SLC27A1: variants seen among roughly 807,000 people sequenced by gnomAD.
SLC27A1 encodes solute carrier family 27 member 1, also known as long-chain fatty acid transport protein 1.
In SLC27A1, 61 loss-of-function variants were observed where a neutral mutation model predicts 62.2. The ratio of observed to expected loss-of-function variants is 0.98; its 90% CI spans 0.80 to 1.21. The LOEUF (loss-of-function observed/expected upper bound fraction) is 1.21, where lower values mean the gene tolerates loss of function less well. Ranked by LOEUF, SLC27A1 falls within the 50% of genes most tolerant of loss-of-function variation. The probability of loss-of-function intolerance (pLI) is 0.00; values close to 1 mark genes in which losing one functional copy is unlikely to be tolerated. For synonymous variants in SLC27A1, 435 were observed against 408.6 expected, an observed-to-expected ratio of 1.06 and a Z score of -0.78; for missense variants, 903 against 932.1, an observed-to-expected ratio of 0.97 and a Z score of 0.41.
At chr19:17,484,061 TG>T (rs1399349955) in intron 1 of SLC27A1, 2 of 152,306 alleles carry the variant, frequency 1.3e-5, no homozygotes, top group Non-Finnish European at 2.9e-5. Context: ...GGGTGGGGCC[TG>T]GTGGTCTGGA....
At chr19:17,470,364 C>A, upstream of SLC27A1, 1 of 737,302 alleles carries the variant, frequency 1.4e-6, no homozygotes, top group Non-Finnish European at 2.0e-6. Flanking sequence ...AGGAGTTGAC[C>A]AATCCCAGGC....
upstream of SLC27A1, among the ~76,000 whole-genome samples, chr19:17,469,801 GA>G (rs1241526599): frequency 2.7e-5 from 4 of 148,664 alleles, no homozygotes; most frequent in Non-Finnish European, 6.0e-5. Context: ...GGCCAGGATA[GA>G]ACCTGAGCCT....
intron 2 of SLC27A1, 56 bp from the exon 3 acceptor site, chr19:17,487,118 G>T: frequency 6.2e-7 from 1 of 1,610,056 alleles, no homozygotes; most frequent in Non-Finnish European, 8.5e-7. Flanking sequence ...TGCATCCCAG[G>T]CCTCGGGAGG....
intron 11 of SLC27A1, among the ~76,000 whole-genome samples, chr19:17,502,544 G>T (rs1460079955): frequency 6.6e-6 from 1 of 151,472 alleles, no homozygotes; most frequent in Admixed American, 6.6e-5. Flanking sequence ...AGTAGAGATC[G>T]AGTTTTACCA....
At chr19:17,490,920 T>C (rs1015558946) in intron 6 of SLC27A1, among the ~76,000 whole-genome samples, 3 of 149,688 alleles carry the variant, frequency 2.0e-5, no homozygotes, top group African/African-American at 7.4e-5. Context: ...TCCCAGCTAC[T>C]CGGGAGACTG....
Position 17,501,292 on chromosome 19 carries a change from G to T in SLC27A1, c.1656G>T (p.Gly552=), listed in dbSNP as rs1316391450. 3.1e-6 allele frequency: 5 copies of T among 1,613,508 alleles called. No individual in the cohort carries two copies. Among genetic ancestry groups the T allele is most frequent in the Non-Finnish European group, 4.2e-6 (5 of 1,179,976 alleles). ...CTCCAGGAGTGGAGGGTAAGGCAGGGATGGCGGCCGTCGCAGACCCCCACA... is the reference window on the plus strand; with the variant it reads ...CTCCAGGAGTGGAGGGTAAGGCAGGTATGGCGGCCGTCGCAGACCCCCACA... ...VAVPGVEGKA[G]MAAVADPHSL... is the part of the protein sequence containing the mutation. The change falls in exon 11 of 12, where the codon GGG becomes GGT. Residue 552 remains glycine (G), a synonymous_variant. Transcript: ENST00000252595.
At chr19:17,503,461 A>T (rs183841417) in intron 11 of SLC27A1, 3 of 152,224 alleles carry the variant, frequency 2.0e-5, no homozygotes, top group East Asian at 3.9e-4. Context: ...CTTTATTTCT[A>T]AATTTTTATT....
chr19:17,500,443 G>T (rs752256065), intron 8 of SLC27A1, 39 bp downstream of exon 8: 2 of 1,612,494 alleles, frequency 1.2e-6, no homozygotes, highest in Admixed American at 1.7e-5. Flanking sequence ...CCGGAGCAGG[G>T]GTCCCCACGC....
chr19:17,486,763 T>C lies in SLC27A1; in HGVS notation c.368T>C (p.Leu123Pro), dbSNP rs769074666. 7 of 1,607,660 alleles carry C rather than the reference T, an allele frequency of 4.4e-6. No homozygotes were observed. Among genetic ancestry groups the C allele is most frequent in the Middle Eastern group, 1.6e-4 (1 of 6,070 alleles). ...SNAVANLFRQ[L>P]GFAPGDVVAI... Reference sequence around the variant, plus strand: ...GCGGTAGCCAACCTCTTCCGCCAGCTGGGCTTCGCGCCGGGCGACGTGGTG... The same window carrying C: ...GCGGTAGCCAACCTCTTCCGCCAGCCGGGCTTCGCGCCGGGCGACGTGGTG... Residue 123 changes from leucine (L) to proline (P), a missense_variant, in exon 2 of 12, where the codon CTG becomes CCG. Physicochemically the swap from Leu to Pro is moderately conservative, Grantham distance 98. Transcript: ENST00000252595. This position sits in a 1 kb window ranked among gnomAD's most constrained non-coding sequence, Gnocchi z 6.6.
chr19:17,489,233 C>G (rs1356015174), intron 6 of SLC27A1, 116 bp downstream of exon 6: 1 of 834,378 alleles, frequency 1.2e-6, no homozygotes, highest in Admixed American at 2.3e-5. Context: ...AAAGCCCCAC[C>G]TCCTCCTGGT....
intron 7 of SLC27A1, chr19:17,497,851 C>T (rs748123685): frequency 4.8e-5 from 12 of 251,438 alleles, no homozygotes; most frequent in Non-Finnish European, 8.5e-5. Flanking sequence ...GCTCTGTCGC[C>T]CAGGCTGGAG....
intron 1 of SLC27A1, among the ~76,000 whole-genome samples, chr19:17,485,191 CTTTTTT>C (rs386388659): frequency 9.5e-6 from 1 of 104,998 alleles, no homozygotes; most frequent in Middle Eastern, 6.1e-3. Context: ...TTTTTGTTTC[CTTTTTT>C]TTTTTTTTTT....
rs531558998 is a variant in SLC27A1, at chr19:17,474,883, GC to G, written c.167+4178del. Among the ~76,000 whole-genome samples the G allele has an allele frequency of 6.5e-3, 986 of 151,660 alleles. 5 individuals carry two copies. The highest frequency in any genetic ancestry group is 0.011 in the Non-Finnish European group (755 of 67,870). On this transcript the variant is annotated intron_variant, in intron 1 of 11. Coordinates refer to ENST00000252595, the MANE Select transcript of SLC27A1 (RefSeq NM_198580.3). ...GACCTCAGGTGATCTGCCCGCCTGGGCCTCCCAAAGTGCTGGGATTACAGGT... is the reference window on the plus strand; with the variant it reads ...GACCTCAGGTGATCTGCCCGCCTGGGCTCCCAAAGTGCTGGGATTACAGGT...
chr19:17,478,045 CA>C (rs2075141755), intron 1 of SLC27A1, among the ~76,000 whole-genome samples: 1 of 152,094 alleles, frequency 6.6e-6, no homozygotes, highest in Non-Finnish European at 1.5e-5. Context: ...CAACTAGCAG[CA>C]CTAAAACCCA....
At chr19:17,491,983 T>C (rs2075298806) in intron 6 of SLC27A1, among the ~76,000 whole-genome samples, 1 of 152,174 alleles carries the variant, frequency 6.6e-6, no homozygotes, top group Non-Finnish European at 1.5e-5. Context: ...TTACAGAAAT[T>C]GAGATAGTGT....
chr19:17,481,503 T>A (rs77777992), intron 1 of SLC27A1, among the ~76,000 whole-genome samples: 1,955 of 151,974 alleles, frequency 0.013, 47 homozygotes, highest in African/African-American at 0.043. Flanking sequence ...TTTTTAAAAA[T>A]GATTTTAAAA....
intron 10 of SLC27A1, 62 bp downstream of exon 10, chr19:17,500,938 G>A (rs751388394): frequency 2.0e-6 from 3 of 1,495,106 alleles, no homozygotes; most frequent in East Asian, 2.3e-5. Context: ...AGCCAAAAGG[G>A]GCTTAGAAGT....
upstream of SLC27A1, among the ~76,000 whole-genome samples, chr19:17,469,415 A>AT (rs1407871126): frequency 6.6e-6 from 1 of 151,102 alleles, no homozygotes; most frequent in African/African-American, 2.4e-5. Flanking sequence ...GTGGACTGGG[A>AT]TATTTTTGGT....
Position 17,488,157 on chromosome 19 carries a change from G to A in SLC27A1, c.794+628G>A, listed in dbSNP as rs1599655088. On this transcript the variant is annotated intron_variant, in intron 4 of 11. Transcript: ENST00000252595. Reference sequence around the variant, plus strand: ...GCGGGTCACTTGACGTCAGGAGTTCGAGACCGTCCTGGCCAACGTGGCGAA... The same window carrying A: ...GCGGGTCACTTGACGTCAGGAGTTCAAGACCGTCCTGGCCAACGTGGCGAA... Among the ~76,000 whole-genome samples, 5 of 152,246 alleles carry A rather than the reference G, an allele frequency of 3.3e-5. No individual in the cohort carries two copies. The East Asian group carries it at 5.8e-4, about 18-fold the overall frequency.
Sources: allele counts gnomAD v4.1 joint callset (sites outside exome capture counted in the v4.1 genomes callset), GRCh38; gene constraint gnomAD v4.1.1; non-coding constraint Gnocchi (gnomAD v3.1); transcripts MANE v1.5; gene names NCBI Gene and HGNC (gene_info 2026-07-23, HGNC 2026-07-21).